The following RPS6KC1 variants were observed in gnomAD, a reference collection of about 807,000 sequenced individuals.
The protein encoded by RPS6KC1 is ribosomal protein S6 kinase C1.
Under a neutral mutation model 103.8 loss-of-function variants are expected in RPS6KC1, and 54 were observed. That is an observed-to-expected ratio of 0.52 (90% CI 0.42 to 0.65). The LOEUF is 0.65. Ranked by LOEUF, RPS6KC1 falls within the 30% of genes least tolerant of loss-of-function variation. The pLI, the probability that RPS6KC1 is intolerant of heterozygous loss-of-function variation, is 0.00. For missense variants in RPS6KC1, 1,151 were observed against 1,253.8 expected (o/e 0.92, Z 1.24); for synonymous variants, 439 against 438.7 (o/e 1.00, Z -0.01).
chr1:213,242,114 A>G lies in RPS6KC1; in HGVS notation c.2638A>G (p.Lys880Glu), dbSNP rs1010845448. 3.1e-6 allele frequency: 5 copies of G among 1,613,736 alleles called. No individual in the cohort carries two copies. The highest frequency in any genetic ancestry group is 3.4e-6 in the Non-Finnish European group (4 of 1,179,830). ...AAGTGGTTTAGTGCTAGAAGGAGAC[A>G]AGGAAATACATCAGATTTTTGAGGA... is the stretch of plus-strand genomic sequence containing the variant. ...GESGLVLEGDKEIHQIFEDLD... is the reference protein window; with the variant it reads ...GESGLVLEGDEEIHQIFEDLD... Residue 880 changes from lysine (K) to glutamate (E), a missense_variant, in exon 11 of 15, where the codon AAG becomes GAG. Around this residue, in one of 3 missense-constraint regions of RPS6KC1, gnomAD observed 189 missense variants for 228.8 expected, o/e 0.83. Transcript: ENST00000366960.
chr1:213,674,053 A>G, the RPS6KC1 span, among the ~76,000 whole-genome samples: 1 of 151,572 alleles, frequency 6.6e-6, no homozygotes, highest in African/African-American at 2.4e-5. Context: ...GAGTCTCGCT[A>G]TGTTGCCCAG....
the RPS6KC1 span, among the ~76,000 whole-genome samples, chr1:213,746,512 A>G: frequency 6.6e-6 from 1 of 152,274 alleles, no homozygotes; most frequent in Admixed American, 6.5e-5. Context: ...ATTCTGTAGG[A>G]TATTATAGGT....
the RPS6KC1 span, among the ~76,000 whole-genome samples, chr1:213,693,701 T>C: frequency 2.0e-5 from 3 of 152,156 alleles, no homozygotes; most frequent in Non-Finnish European, 4.4e-5. Context: ...CAAAGCCAAA[T>C]CAGAGGAGGA....
At chr1:213,413,014 A>G in the RPS6KC1 span, among the ~76,000 whole-genome samples, 57 of 152,312 alleles carry the variant, frequency 3.7e-4, 1 homozygote, top group Non-Finnish European at 7.3e-5. Flanking sequence ...AGGATCTTAA[A>G]CATGTTAAAC....
chr1:213,763,006 C>T, the RPS6KC1 span, among the ~76,000 whole-genome samples: 831 of 151,968 alleles, frequency 5.5e-3, 16 homozygotes, highest in African/African-American at 0.018. Context: ...TTACAGGCAC[C>T]CGCCACCATG....
rs371951031 is a variant in RPS6KC1 at position 213,169,551 on chromosome 1, G to T, written c.951+1578G>T. ...TTATTTCCTTTACTTTTTCACCATT[G>T]AATTTTATCTTTTTAAGTGGAATAT... On this transcript the variant is annotated intron_variant, in intron 7 of 14. Coordinates refer to ENST00000366960, the MANE Select transcript of RPS6KC1 (RefSeq NM_012424.6). 2.2e-4 allele frequency among the ~76,000 whole-genome samples: 34 copies of T among 151,650 alleles called. No homozygotes were observed. The East Asian group carries it at 4.4e-3, about 20-fold the overall frequency.
At chr1:213,449,504 C>T in the RPS6KC1 span, among the ~76,000 whole-genome samples, 1 of 152,122 alleles carries the variant, frequency 6.6e-6, no homozygotes, top group Non-Finnish European at 1.5e-5. Context: ...GTCTCTGCCT[C>T]TTCTTAGAAG....
chr1:213,459,477 A>C, the RPS6KC1 span, among the ~76,000 whole-genome samples: 119,247 of 151,920 alleles, frequency 0.78, 47,037 homozygotes, highest in East Asian at 0.98. Flanking sequence ...CTATTTGATT[A>C]TTTTTTCTTC....
chr1:213,423,339 C>T, the RPS6KC1 span, among the ~76,000 whole-genome samples: 1 of 152,160 alleles, frequency 6.6e-6, no homozygotes, highest in Admixed American at 6.5e-5. Flanking sequence ...TCATTTCACC[C>T]CATTCTTGAT....
intron 1 of RPS6KC1, among the ~76,000 whole-genome samples, chr1:213,063,614 G>T (rs2078036102): frequency 1.3e-5 from 2 of 152,096 alleles, no homozygotes; most frequent in South Asian, 4.1e-4. Flanking sequence ...ATTTTAGTAG[G>T]TGTTGTACTA....
At chr1:213,485,331 C>T in the RPS6KC1 span, among the ~76,000 whole-genome samples, 11 of 152,190 alleles carry the variant, frequency 7.2e-5, no homozygotes, top group East Asian at 1.7e-3. Flanking sequence ...TGATTGAGGA[C>T]GGCTTTGGGG....
chr1:213,057,685 G>C (rs1347242267), intron 1 of RPS6KC1, among the ~76,000 whole-genome samples: 1 of 148,256 alleles, frequency 6.7e-6, no homozygotes, highest in African/African-American at 2.4e-5. Context: ...TTTTTTTTGG[G>C]GTTTGATATG....
At chr1:213,779,756 T>G in the RPS6KC1 span, among the ~76,000 whole-genome samples, 1 of 152,192 alleles carries the variant, frequency 6.6e-6, no homozygotes, top group African/African-American at 2.4e-5. Flanking sequence ...GAAAGTTTAG[T>G]CAAAAGGGTG....
chr1:213,261,719 T>C, intron 13 of RPS6KC1, 79 bp downstream of exon 13: 1 of 1,262,558 alleles, frequency 7.9e-7, no homozygotes, highest in Non-Finnish European at 1.1e-6. Context: ...GCCTTCACCC[T>C]TAGTTTTTAA....
chr1:213,809,505 C>A, the RPS6KC1 span, among the ~76,000 whole-genome samples: 1 of 151,662 alleles, frequency 6.6e-6, no homozygotes, highest in African/African-American at 2.4e-5. Context: ...TTTCGCAAAC[C>A]TTAAATTGAT....
At chr1:213,647,179 G>A in the RPS6KC1 span, among the ~76,000 whole-genome samples, 1 of 152,114 alleles carries the variant, frequency 6.6e-6, no homozygotes, top group Admixed American at 6.5e-5. Context: ...CCATAGTGCT[G>A]TGATTACAGG....
the RPS6KC1 span, among the ~76,000 whole-genome samples, chr1:213,412,289 T>C: frequency 4.6e-5 from 7 of 152,188 alleles, no homozygotes; most frequent in African/African-American, 1.4e-4. Context: ...TCCTTCTCTA[T>C]TAGAGAAAGA....
At chr1:213,792,214 G>T in the RPS6KC1 span, among the ~76,000 whole-genome samples, 4 of 152,102 alleles carry the variant, frequency 2.6e-5, no homozygotes, top group East Asian at 7.7e-4. Flanking sequence ...AAAACTCCAG[G>T]GTATGTAACT....
the RPS6KC1 span, among the ~76,000 whole-genome samples, chr1:213,330,048 C>G: frequency 6.6e-6 from 1 of 152,212 alleles, no homozygotes; most frequent in Non-Finnish European, 1.5e-5. Flanking sequence ...GCAGGGGCAC[C>G]GGAGAGATGG....
Sources: allele counts gnomAD v4.1 joint callset (sites outside exome capture counted in the v4.1 genomes callset), GRCh38; gene constraint gnomAD v4.1.1; regional missense constraint gnomAD v4.1.1; transcripts MANE v1.5; gene names NCBI Gene and HGNC (gene_info 2026-07-23, HGNC 2026-07-21).